Variants in NTM observed in about 807,000 individuals in gnomAD.
NTM encodes IgLON family member 2.
A neutral mutation model predicts 42.1 loss-of-function variants in NTM; 13 were observed. The ratio of observed to expected loss-of-function variants is 0.31; its 90% confidence interval spans 0.20 to 0.49. The LOEUF (loss-of-function observed/expected upper bound fraction) is 0.49. Among genes scored for constraint, NTM ranks in the 20% least tolerant of loss-of-function variants. NTM has a pLI of 0.99. For synonymous variants in NTM, 187 were observed against 179.2 expected, an observed-to-expected ratio of 1.04 and a Z score of -0.35; for missense variants, 373 against 452.8, an observed-to-expected ratio of 0.82 and a Z score of 1.60.
At chr11:131,806,518 T>C (rs143314169) in intron 1 of NTM, among the ~76,000 whole-genome samples, 44 of 152,262 alleles carry the variant, frequency 2.9e-4, no homozygotes, top group African/African-American at 1.0e-3. Context: ...ATAAAGATTA[T>C]GAGAAAGATT....
At chr11:131,819,525 A>T (rs1314828350) in intron 1 of NTM, among the ~76,000 whole-genome samples, 2 of 152,214 alleles carry the variant, frequency 1.3e-5, no homozygotes, top group African/African-American at 2.4e-5. Flanking sequence ...AGACATACAT[A>T]AAAAATCTCC....
At chr11:131,787,697 A>G (rs1356458974) in intron 1 of NTM, among the ~76,000 whole-genome samples, 1 of 152,076 alleles carries the variant, frequency 6.6e-6, no homozygotes, top group Non-Finnish European at 1.5e-5. Context: ...TGGATTTTTA[A>G]ACCAAATTTG....
intron 1 of NTM, among the ~76,000 whole-genome samples, chr11:131,903,976 A>C (rs2053524115): frequency 1.3e-5 from 2 of 152,192 alleles, no homozygotes; most frequent in Admixed American, 1.3e-4. Context: ...AGGAGCTAAA[A>C]ATTCAAACAC....
chr11:132,202,984 G>C (rs765220642), intron 3 of NTM, among the ~76,000 whole-genome samples: 1 of 152,144 alleles, frequency 6.6e-6, no homozygotes, highest in Non-Finnish European at 1.5e-5. Flanking sequence ...AATCCACTGA[G>C]GTTATGCCAT....
At chr11:132,263,793 C>T (rs1222758662) in intron 4 of NTM, among the ~76,000 whole-genome samples, 1 of 152,242 alleles carries the variant, frequency 6.6e-6, no homozygotes, top group Non-Finnish European at 1.5e-5. Flanking sequence ...CAGCAAAGCT[C>T]TTTGCAATTT....
chr11:131,813,461 G>A (rs77758407), intron 1 of NTM, among the ~76,000 whole-genome samples: 3,776 of 152,228 alleles, frequency 0.025, 156 homozygotes, highest in African/African-American at 0.087. Context: ...TGGAGCTCCT[G>A]TAAAGGACGG....
At chr11:131,797,735 A>G (rs902957753) in intron 1 of NTM, among the ~76,000 whole-genome samples, 2 of 152,220 alleles carry the variant, frequency 1.3e-5, no homozygotes, top group African/African-American at 2.4e-5. Context: ...GAAAATAACA[A>G]TTACTTTAGT....
At chr11:131,730,603 C>T (rs1055960301) in intron 1 of NTM, among the ~76,000 whole-genome samples, 2 of 151,986 alleles carry the variant, frequency 1.3e-5, no homozygotes, top group African/African-American at 2.4e-5. Flanking sequence ...CCTGTAGTCC[C>T]AGCTACTCAA....
At chr11:131,938,005 T>G (rs937102691) in intron 2 of NTM, among the ~76,000 whole-genome samples, 2 of 152,298 alleles carry the variant, frequency 1.3e-5, no homozygotes, top group African/African-American at 4.8e-5. Flanking sequence ...CTTAATTAAT[T>G]TAACTATTAC....
chr11:131,847,571 A>G (rs1046363554), intron 1 of NTM, among the ~76,000 whole-genome samples: 4 of 152,106 alleles, frequency 2.6e-5, no homozygotes, highest in Non-Finnish European at 5.9e-5. Context: ...TTCCTTCAGG[A>G]ATAGAAACCC....
chr11:131,786,167 C>G (rs571131071), intron 1 of NTM, among the ~76,000 whole-genome samples: 2 of 152,186 alleles, frequency 1.3e-5, no homozygotes, highest in South Asian at 4.2e-4. Context: ...TAAACAACCT[C>G]GGAAAAAAAT....
chr11:131,967,329 CTTTAA>C (rs1461443641), intron 2 of NTM, among the ~76,000 whole-genome samples: 3 of 152,280 alleles, frequency 2.0e-5, no homozygotes, highest in South Asian at 2.1e-4. Flanking sequence ...CAGTTCGAAA[CTTTAA>C]TTTATGATCA....
chr11:132,184,649 C>T (rs2078115135), intron 3 of NTM, among the ~76,000 whole-genome samples: 1 of 152,000 alleles, frequency 6.6e-6, no homozygotes. Flanking sequence ...AAGGAAAGAC[C>T]AGAGAAAGAC....
At chr11:131,852,624 G>C (rs1236898754) in intron 1 of NTM, among the ~76,000 whole-genome samples, 1 of 152,138 alleles carries the variant, frequency 6.6e-6, no homozygotes, top group South Asian at 2.1e-4. Context: ...TGGGTCAGGG[G>C]CATGTTTTCT....
chr11:132,109,191 A>AT (rs1446718008), intron 2 of NTM, among the ~76,000 whole-genome samples: 1 of 75,406 alleles, frequency 1.3e-5, no homozygotes, highest in Non-Finnish European at 3.0e-5. Flanking sequence ...TTATAGTAGA[A>AT]TGATTTATCT....
chr11:131,436,392 G>C (rs1382717845), intron 1 of NTM, among the ~76,000 whole-genome samples: 1 of 152,082 alleles, frequency 6.6e-6, no homozygotes, highest in Non-Finnish European at 1.5e-5. Context: ...GGTAGGATTC[G>C]GCTATGAATC....
chr11:131,522,659 T>A (rs2049914175), intron 1 of NTM, among the ~76,000 whole-genome samples: 1 of 152,216 alleles, frequency 6.6e-6, no homozygotes, highest in African/African-American at 2.4e-5. Flanking sequence ...TGGGATTATT[T>A]AACCTGGGAC....
chr11:131,523,420 T>C (rs547002765), intron 1 of NTM, among the ~76,000 whole-genome samples: 124 of 152,308 alleles, frequency 8.1e-4, no homozygotes, highest in African/African-American at 2.9e-3. Context: ...GCAGTCAGAA[T>C]TCAAAAGTGA....
At chr11:131,434,065 G>A (rs1487092238) in intron 1 of NTM, among the ~76,000 whole-genome samples, 2 of 148,874 alleles carry the variant, frequency 1.3e-5, no homozygotes, top group South Asian at 2.1e-4. Flanking sequence ...TTCTGTCCTT[G>A]TGATAGTTTG....
Sources: gnomAD v4.1 joint callset for allele counts (sites outside exome capture counted in the v4.1 genomes callset) on GRCh38, gnomAD v4.1.1 for gene constraint, MANE v1.5 for transcripts, NCBI Gene and HGNC (gene_info 2026-07-23, HGNC 2026-07-21) for gene names.